Variants in AKT3 observed in about 807,000 individuals in gnomAD.
AKT3 encodes AKT serine/threonine kinase 3.
Under a neutral mutation model 65.3 loss-of-function variants are expected in AKT3, and 15 were observed. That is an observed-to-expected ratio of 0.23 (90% CI 0.15 to 0.35). The LOEUF is 0.35. AKT3 is among the 10% of genes least tolerant of loss of function. The pLI, the probability that AKT3 is intolerant of heterozygous loss-of-function variation, is 1.00. For synonymous variants in AKT3, 206 were observed against 183.8 expected (o/e 1.12, Z -0.98); for missense variants, 243 against 576.5 (o/e 0.42, Z 5.92).
At chr1:243,777,186 G>T (rs1411080221) in intron 2 of AKT3, among the ~76,000 whole-genome samples, 2 of 152,162 alleles carry the variant, frequency 1.3e-5, no homozygotes, top group South Asian at 2.1e-4. Context: ...ATGGTTTGGG[G>T]ATGATGCAAG....
At chr1:243,546,396 G>T (rs897441706) in intron 11 of AKT3, among the ~76,000 whole-genome samples, 1 of 144,674 alleles carries the variant, frequency 6.9e-6, no homozygotes, top group Non-Finnish European at 1.5e-5. Context: ...AAGCATAAAA[G>T]AACTAAAAGT....
intron 11 of AKT3, among the ~76,000 whole-genome samples, chr1:243,549,524 G>T (rs535749308): frequency 2.0e-5 from 3 of 152,068 alleles, no homozygotes; most frequent in Admixed American, 6.5e-5. Flanking sequence ...GACCTCCTGG[G>T]CTCCAGCGAT....
At chr1:243,512,865 A>G (rs530602062) in intron 12 of AKT3, among the ~76,000 whole-genome samples, 2 of 152,356 alleles carry the variant, frequency 1.3e-5, no homozygotes, top group Middle Eastern at 3.4e-3. Context: ...GTTACAGATG[A>G]GAGTGCTGCC....
At chr1:243,508,758 C>A (rs148769384) in intron 13 of AKT3, among the ~76,000 whole-genome samples, 4 of 150,928 alleles carry the variant, frequency 2.7e-5, no homozygotes, top group African/African-American at 4.9e-5. Flanking sequence ...TTCTGCCTCC[C>A]GGGTTCAAGC....
intron 2 of AKT3, among the ~76,000 whole-genome samples, chr1:243,774,809 T>C (rs969953623): frequency 6.6e-6 from 1 of 152,174 alleles, no homozygotes; most frequent in Non-Finnish European, 1.5e-5. Context: ...AACCATTACA[T>C]TGTATTTACA....
chr1:243,672,151 G>A (rs186237755), intron 3 of AKT3, among the ~76,000 whole-genome samples: 6 of 152,296 alleles, frequency 3.9e-5, no homozygotes, highest in Admixed American at 3.3e-4. Context: ...CAGGAATGAG[G>A]GTTATCCCCT....
In AKT3 at chr1:243,656,402, C is replaced by A. The variant is rs537810634; in HGVS notation, c.284+8370G>T. Reference sequence around the variant, plus strand: ...AAAGGAATGGCTTAGGAAGAACTTACAGTCTGATGGGGGAGCCTTGGTATT... The same window carrying A: ...AAAGGAATGGCTTAGGAAGAACTTAAAGTCTGATGGGGGAGCCTTGGTATT... On this transcript the variant is annotated intron_variant, in intron 4 of 13. Coordinates refer to ENST00000673466, the MANE Select transcript of AKT3 (RefSeq NM_005465.7). Among the ~76,000 whole-genome samples, 322 of 152,236 alleles carry A rather than the reference C, an allele frequency of 2.1e-3. 1 individual carries two copies. Among genetic ancestry groups the A allele is most frequent in the Non-Finnish European group, 4.1e-3 (281 of 68,012 alleles).
chr1:243,631,408 C>A (rs182435114), intron 6 of AKT3, among the ~76,000 whole-genome samples: 3 of 152,124 alleles, frequency 2.0e-5, no homozygotes, highest in South Asian at 2.1e-4. Flanking sequence ...CATGCCTCAG[C>A]CTCCCAAGTA....
intron 2 of AKT3, among the ~76,000 whole-genome samples, chr1:243,695,934 T>C (rs1172163234): frequency 6.6e-6 from 1 of 151,994 alleles, no homozygotes; most frequent in Non-Finnish European, 1.5e-5. Flanking sequence ...ATTTCACACT[T>C]TGATAATTCA....
intron 4 of AKT3, among the ~76,000 whole-genome samples, chr1:243,655,502 A>AT (rs899591971): frequency 6.6e-6 from 1 of 151,402 alleles, no homozygotes; most frequent in African/African-American, 2.4e-5. Flanking sequence ...TTGTGTACTC[A>AT]TTTTTTAACA....
intron 13 of AKT3, among the ~76,000 whole-genome samples, chr1:243,511,513 GA>G (rs537709191): frequency 6.6e-6 from 1 of 152,162 alleles, no homozygotes; most frequent in Non-Finnish European, 1.5e-5. Context: ...GACATATAGG[GA>G]AGGAATCAAA....
At chr1:243,515,905 A>T (rs539140122) in intron 12 of AKT3, among the ~76,000 whole-genome samples, 1 of 151,746 alleles carries the variant, frequency 6.6e-6, no homozygotes, top group Non-Finnish European at 1.5e-5. Flanking sequence ...TGAACCCGGG[A>T]GGCGGAGCTT....
At chr1:243,588,250 A>G (rs74153917) in intron 8 of AKT3, among the ~76,000 whole-genome samples, 1,538 of 152,200 alleles carry the variant, frequency 0.01, 20 homozygotes, top group African/African-American at 0.035. Context: ...TGTAGGGTTT[A>G]ACTTTATGAG....
intron 6 of AKT3, among the ~76,000 whole-genome samples, chr1:243,635,830 C>T (rs1484816964): frequency 2.0e-5 from 3 of 152,004 alleles, no homozygotes; most frequent in Non-Finnish European, 2.9e-5. Context: ...GAGAAGGGCA[C>T]AGCAGGAACC....
chr1:243,637,033 G>GT (rs757784695), intron 6 of AKT3, among the ~76,000 whole-genome samples: 1 of 152,126 alleles, frequency 6.6e-6, no homozygotes, highest in Non-Finnish European at 1.5e-5. Flanking sequence ...TTTGTAAAGT[G>GT]TATCTCCTGA....
chr1:243,747,784 G>GATAA (rs528763051), intron 2 of AKT3, among the ~76,000 whole-genome samples: 18 of 152,102 alleles, frequency 1.2e-4, no homozygotes, highest in Non-Finnish European at 2.6e-4. Context: ...AATCAAAAGG[G>GATAA]ATAAATGTAA....
At chr1:243,678,990 C>T (rs1683725037) in intron 3 of AKT3, among the ~76,000 whole-genome samples, 1 of 152,112 alleles carries the variant, frequency 6.6e-6, no homozygotes, top group Non-Finnish European at 1.5e-5. Flanking sequence ...CCACCCGAGA[C>T]AGAAAGACTA....
At position 243,501,277 on chromosome 1, in the gene AKT3, A is replaced by T. The variant is rs1334209714; in HGVS notation, c.*3972T>A. On this transcript the variant is annotated 3_prime_UTR_variant, in exon 14 of 14. Transcript: ENST00000673466. Reference sequence around the variant, plus strand: ...TCCAGCCATCCTACCCATCTACATCACCCACGTCTAAGTTTGTTAATTTGC... The same window carrying T: ...TCCAGCCATCCTACCCATCTACATCTCCCACGTCTAAGTTTGTTAATTTGC... The T allele has an allele frequency of 1.3e-5, 3 of 232,950 alleles. No individual in the cohort carries two copies. The highest frequency in any genetic ancestry group is 2.2e-5 in the African/African-American group (1 of 45,310). The allele number at this position is 232,950 out of a possible 1,614,324, so 14.4% of individuals were successfully genotyped here.
downstream of AKT3, among the ~76,000 whole-genome samples, chr1:243,498,931 T>G (rs1668772565): frequency 6.6e-6 from 1 of 152,234 alleles, no homozygotes; most frequent in Non-Finnish European, 1.5e-5. Flanking sequence ...CATCCTGGCT[T>G]TTCTCTGGAC....
Sources: gnomAD v4.1 joint callset for allele counts (sites outside exome capture counted in the v4.1 genomes callset) on GRCh38, gnomAD v4.1.1 for gene constraint, MANE v1.5 for transcripts, NCBI Gene and HGNC (gene_info 2026-07-23, HGNC 2026-07-21) for gene names.